The following USPL1 variants were observed in gnomAD, a reference collection of about 807,000 sequenced individuals.
The protein encoded by USPL1 is SUMO-specific isopeptidase USPL1.
USPL1 carries 27 observed loss-of-function variants against 51.5 expected under a neutral mutation model. The ratio of observed to expected loss-of-function variants is 0.52; its 90% CI spans 0.39 to 0.72. The LOEUF (loss-of-function observed/expected upper bound fraction) is 0.72, where lower values mean the gene tolerates loss of function less well. Among genes scored for constraint, USPL1 ranks in the 30% least tolerant of loss-of-function variants. USPL1 has a pLI of 0.00. For missense variants in USPL1, 1,226 were observed against 1,268.0 expected, an observed-to-expected ratio of 0.97 and a Z score of 0.50; for synonymous variants, 451 against 459.6, an observed-to-expected ratio of 0.98 and a Z score of 0.24.
chr13:30,621,737 T>C, intron 2 of USPL1, 27 bp from the exon 3 acceptor site: 1 of 1,439,208 alleles, frequency 6.9e-7, no homozygotes. Flanking sequence ...AATGTCTATA[T>C]TTTAATTTGC....
At chr13:30,647,428 C>T (rs886969030) in intron 7 of USPL1, among the ~76,000 whole-genome samples, 1 of 152,064 alleles carries the variant, frequency 6.6e-6, no homozygotes, top group East Asian at 1.9e-4. Flanking sequence ...AAAGATAAGC[C>T]ACAGGCTCAT....
In USPL1 at chr13:30,646,916, T is replaced by C. The variant is rs1365954143; in HGVS notation, c.1113-16T>C. 2 of 1,597,246 alleles carry C rather than the reference T, an allele frequency of 1.3e-6. No individual in the cohort carries two copies. Among genetic ancestry groups the C allele is most frequent in the African/African-American group, 1.3e-5 (1 of 74,220 alleles). On this transcript the variant is annotated splice_polypyrimidine_tract_variant and intron_variant, in intron 6 of 8. Coordinates refer to ENST00000255304, the MANE Select transcript of USPL1 (RefSeq NM_005800.5). ...GCATTTAACGTTAATGAATTTGTTA[T>C]GTCATTTTTTTATAGGCATATGAAG... is the stretch of plus-strand genomic sequence containing the variant.
intron 4 of USPL1, among the ~76,000 whole-genome samples, chr13:30,637,520 C>T (rs988868311): frequency 3.3e-5 from 5 of 152,114 alleles, no homozygotes; most frequent in Admixed American, 2.6e-4. Flanking sequence ...AAGGCTTTCA[C>T]TGAGATTTTA....
intron 5 of USPL1, among the ~76,000 whole-genome samples, chr13:30,638,573 C>G (rs143712677): frequency 1.3e-5 from 2 of 152,048 alleles, no homozygotes; most frequent in African/African-American, 4.8e-5. Flanking sequence ...TTTAGTATTG[C>G]GAAAAGGAGC....
intron 3 of USPL1, among the ~76,000 whole-genome samples, chr13:30,630,609 A>G (rs1950788347): frequency 6.6e-6 from 1 of 152,228 alleles, no homozygotes; most frequent in Non-Finnish European, 1.5e-5. Flanking sequence ...AACTCAGATT[A>G]AACCCTTGAT....
chr13:30,650,214 G>C (rs545084369), intron 7 of USPL1, among the ~76,000 whole-genome samples: 1 of 152,130 alleles, frequency 6.6e-6, no homozygotes, highest in African/African-American at 2.4e-5. Flanking sequence ...GGAAGGGGAA[G>C]GATATTATTT....
intron 5 of USPL1, among the ~76,000 whole-genome samples, chr13:30,640,749 C>T (rs1034800815): frequency 6.6e-6 from 1 of 152,130 alleles, no homozygotes; most frequent in Non-Finnish European, 1.5e-5. Context: ...GTGAGACTAT[C>T]CCGCAAAGGT....
intron 8 of USPL1, among the ~76,000 whole-genome samples, chr13:30,656,221 A>G (rs765823413): frequency 1.2e-4 from 19 of 152,184 alleles, no homozygotes; most frequent in Non-Finnish European, 2.4e-4. Flanking sequence ...TGTAGTGGTA[A>G]AATATAAATA....
At chr13:30,634,767 A>G (rs919666656) in intron 4 of USPL1, among the ~76,000 whole-genome samples, 9 of 152,268 alleles carry the variant, frequency 5.9e-5, no homozygotes, top group Middle Eastern at 6.8e-3. Context: ...GATAATGACA[A>G]TTGTTTTCCA....
intron 4 of USPL1, among the ~76,000 whole-genome samples, chr13:30,631,999 G>A (rs1182538820): frequency 6.6e-6 from 1 of 151,590 alleles, no homozygotes; most frequent in Admixed American, 6.6e-5. Flanking sequence ...AAGTTCTGGG[G>A]TACATGTGCA....
chr13:30,631,055 C>T lies in USPL1; in HGVS notation c.449C>T (p.Ser150Leu), dbSNP rs141598959. ...AATGGAGAAGTATATGACGAAACCT[C>T]GTCAAACTTACCTGATAGTAGTGGT... Reference protein sequence around the residue: ...KHNGEVYDETSSNLPDSSGQQ... With the variant: ...KHNGEVYDETLSNLPDSSGQQ... Residue 150 changes from serine to leucine, a missense_variant, in exon 4 of 9, where the codon TCG (serine) becomes TTG (leucine). Transcript: ENST00000255304. 99 of 1,614,050 alleles carry T rather than the reference C, an allele frequency of 6.1e-5. No individual in the cohort carries two copies. The highest frequency in any genetic ancestry group is 2.3e-4 in the Admixed American group (14 of 60,008).
intron 6 of USPL1, among the ~76,000 whole-genome samples, chr13:30,644,334 C>A (rs1351456509): frequency 1.3e-5 from 2 of 151,852 alleles, no homozygotes; most frequent in Non-Finnish European, 2.9e-5. Context: ...AATATGAAAT[C>A]CTTTTTAGGT....
rs1313549495 is a variant in USPL1 at position 30,646,870 on chromosome 13, T to G, written c.1113-62T>G. 6 of 1,533,194 alleles carry G rather than the reference T, an allele frequency of 3.9e-6. No individual in the cohort carries two copies. In the East Asian group the frequency reaches 1.4e-4, roughly 35 times the overall value. The allele number at this position is 1,533,194 out of a possible 1,614,324, so 95.0% of individuals were successfully genotyped here. ...AAAAGGGGAGGAATACTTTTAGACA[T>G]TGGTTTAAATTAATGTAAATGCATT... On this transcript the variant is annotated intron_variant, in intron 6 of 8. Coordinates refer to ENST00000255304, the MANE Select transcript of USPL1 (RefSeq NM_005800.5).
rs1951229470 is a variant in USPL1 at position 30,659,629 on chromosome 13, C to T, written c.*273C>T. On this transcript the variant is annotated 3_prime_UTR_variant, in exon 9 of 9. Transcript: ENST00000255304. ...AAAGATGAAAAGTGGCGTCTAGTTT[C>T]TGACAGTTTGTACAGTTGGATGCAT... 2 of 320,388 alleles carry T rather than the reference C, an allele frequency of 6.2e-6. No homozygotes were observed. The allele number at this position is 320,388 out of a possible 1,614,324, so 19.8% of individuals were successfully genotyped here.
Position 30,631,230 on chromosome 13 carries a change from T to C in USPL1, c.624T>C (p.Ser208=). ...CCCCTCAAAATGAAGGATGTACATC[T>C]AAACTGGAAATGCCACTGGAGAGCA... ...RPSPQNEGCT[S]KLEMPLESKC... The change falls in exon 4 of 9, where the codon TCT becomes TCC. Residue 208 remains serine (S), a synonymous_variant. Transcript: ENST00000255304. 1.9e-6 allele frequency: 3 copies of C among 1,614,152 alleles called. No individual in the cohort carries two copies. Among genetic ancestry groups the C allele is most frequent in the Non-Finnish European group, 2.5e-6 (3 of 1,180,016 alleles).
At position 30,658,464 on chromosome 13, in the gene USPL1, T is replaced by G. The variant is rs571699730; in HGVS notation, c.2387T>G (p.Phe796Cys). The G allele has an allele frequency of 6.2e-7, 1 of 1,613,830 alleles. No homozygotes were observed. The highest frequency in any genetic ancestry group is 1.1e-5 in the South Asian group (1 of 91,088). ...LQPSVKGVNN[F>C]GGFKTKGINQ... ...CCTTCAGTTAAAGGGGTAAATAATT[T>G]TGGTGGCTTTAAAACTAAAGGTATA... The change falls in exon 9 of 9, where the codon TTT (phenylalanine) becomes TGT (cysteine). Residue 796 changes from phenylalanine (F) to cysteine (C), a missense_variant. Coordinates refer to ENST00000255304, the MANE Select transcript of USPL1 (RefSeq NM_005800.5).
intron 7 of USPL1, among the ~76,000 whole-genome samples, chr13:30,651,032 A>G (rs1264424850): frequency 2.6e-5 from 4 of 151,984 alleles, no homozygotes; most frequent in Admixed American, 6.6e-5. Flanking sequence ...TCATAGTTAC[A>G]GAAAGTAGTA....
chr13:30,646,102 C>T (rs1951014442), intron 6 of USPL1, among the ~76,000 whole-genome samples: 1 of 152,190 alleles, frequency 6.6e-6, no homozygotes, highest in Non-Finnish European at 1.5e-5. Context: ...ATGTTTTTAA[C>T]AGACAGTGCT....
intron 3 of USPL1, among the ~76,000 whole-genome samples, chr13:30,624,489 G>A: frequency 6.6e-6 from 1 of 152,118 alleles, no homozygotes; most frequent in East Asian, 1.9e-4. Flanking sequence ...ATGGTGGTGT[G>A]AGTCTGTAGC....
Sources: allele counts gnomAD v4.1 joint callset (sites outside exome capture counted in the v4.1 genomes callset), GRCh38; gene constraint gnomAD v4.1.1; transcripts MANE v1.5; gene names NCBI Gene and HGNC (gene_info 2026-07-23, HGNC 2026-07-21).